Variants in CHL1 observed in about 807,000 individuals in gnomAD.
CHL1 encodes the protein cell adhesion molecule L1 like.
CHL1 carries 96 observed loss-of-function variants against 141.9 expected under a neutral mutation model. The ratio of observed to expected loss-of-function variants is 0.68; its 90% confidence interval spans 0.57 to 0.80. The LOEUF (loss-of-function observed/expected upper bound fraction) is 0.80, where lower values mean the gene tolerates loss of function less well. Among genes scored for constraint, CHL1 ranks in the 30% least tolerant of loss-of-function variants. The probability of loss-of-function intolerance (pLI) is 0.00; values close to 1 mark genes in which losing one functional copy is unlikely to be tolerated. For missense variants in CHL1, 1,820 were observed against 1,457.2 expected (o/e 1.25, Z -4.05); for synonymous variants, 613 against 502.2 (o/e 1.22, Z -2.95).
rs932571883 is a variant in CHL1 at position 285,538 on chromosome 3, A to T, written c.-94-34145A>T. Among the ~76,000 whole-genome samples, 7 of 152,320 alleles carry T rather than the reference A, an allele frequency of 4.6e-5. No individual in the cohort carries two copies. The East Asian group carries it at 1.3e-3, about 29-fold the overall frequency. ...TTCTAGCCTGGTACTTAAAATTCAC[A>T]GGCTCACAAGTCTCACTGGGCTCCA... On this transcript the variant is annotated intron_variant, in intron 2 of 27. Coordinates refer to ENST00000256509, the MANE Select transcript of CHL1 (RefSeq NM_006614.4).
chr3:269,870 T>C (rs758656126), intron 2 of CHL1, among the ~76,000 whole-genome samples: 9 of 152,146 alleles, frequency 5.9e-5, no homozygotes, highest in Non-Finnish European at 1.3e-4. Context: ...CTGTTGCTGG[T>C]ACCTCATCTA....
intron 4 of CHL1, 123 bp downstream of exon 4, chr3:326,187 C>T (rs1016554427): frequency 1.9e-6 from 1 of 534,994 alleles, no homozygotes. Context: ...TAAGGGTTTA[C>T]AAAAAATCAT....
chr3:232,205 T>A (rs962427643), intron 1 of CHL1, among the ~76,000 whole-genome samples: 3 of 152,222 alleles, frequency 2.0e-5, no homozygotes, highest in African/African-American at 7.2e-5. Context: ...ATTCTGTGTA[T>A]TGGCATGTCA....
chr3:269,565 G>T (rs3956143), intron 2 of CHL1, among the ~76,000 whole-genome samples: 37,431 of 151,912 alleles, frequency 0.25, 4,751 homozygotes, highest in Middle Eastern at 0.3. Context: ...TGCTCTTGTG[G>T]CCCAGGCTGG....
At chr3:261,456 T>C (rs980897125) in intron 2 of CHL1, among the ~76,000 whole-genome samples, 1 of 152,312 alleles carries the variant, frequency 6.6e-6, no homozygotes, top group African/African-American at 2.4e-5. Flanking sequence ...TAAGGCCAGT[T>C]GCTACTTAAA....
In CHL1 at chr3:377,136, G is replaced by A. The variant is rs1450771449; in HGVS notation, c.1752-682G>A. ...ATAGTTATCTCAACAATGGTACGGG[G>A]TAAAAGGTGAAGTTTATAAAGAAGC... On this transcript the variant is annotated intron_variant, in intron 15 of 27. Coordinates refer to ENST00000256509, the MANE Select transcript of CHL1 (RefSeq NM_006614.4). 2.6e-5 allele frequency among the ~76,000 whole-genome samples: 4 copies of A among 152,226 alleles called. No homozygotes were observed. The East Asian group carries it at 5.8e-4, about 22-fold the overall frequency.
At chr3:360,784 T>C (rs551754714) in intron 12 of CHL1, among the ~76,000 whole-genome samples, 3,241 of 126,764 alleles carry the variant, frequency 0.026, 147 homozygotes, top group African/African-American at 0.095. Context: ...ATGTTCCCCT[T>C]CCTGTGTCCA....
chr3:242,563 T>C lies in CHL1; in HGVS notation c.-174-2050T>C, dbSNP rs1029374237. ...GTGAGCCGAGATTGTGCCACTGCAC[T>C]CCAGCCTGGGTAACAGAGTGGGACT... On this transcript the variant is annotated intron_variant, in intron 1 of 27. Coordinates refer to ENST00000256509, the MANE Select transcript of CHL1 (RefSeq NM_006614.4). Among the ~76,000 whole-genome samples the C allele has an allele frequency of 5.9e-5, 9 of 151,830 alleles. No individual in the cohort carries two copies. In the East Asian group the frequency reaches 9.7e-4, roughly 16 times the overall value.
chr3:253,334 T>C (rs1405224379), intron 2 of CHL1, among the ~76,000 whole-genome samples: 2 of 152,142 alleles, frequency 1.3e-5, no homozygotes, highest in Non-Finnish European at 2.9e-5. Context: ...TTAGAGTTCT[T>C]CTCTGAGGAG....
chr3:358,217 G>A (rs1028367417), intron 11 of CHL1, among the ~76,000 whole-genome samples: 22 of 152,060 alleles, frequency 1.4e-4, no homozygotes, highest in African/African-American at 2.7e-4. Flanking sequence ...GCATTCCTTC[G>A]TTTGCCTTTT....
At chr3:400,586 C>CTT (rs11374109) in intron 26 of CHL1, among the ~76,000 whole-genome samples, 5,864 of 139,444 alleles carry the variant, frequency 0.042, 336 homozygotes, top group African/African-American at 0.12. Flanking sequence ...TATTTGAGGG[C>CTT]TTTTTTTTTT....
chr3:383,183 A>G (rs1008421609), intron 18 of CHL1, among the ~76,000 whole-genome samples: 2 of 152,198 alleles, frequency 1.3e-5, no homozygotes, highest in Non-Finnish European at 2.9e-5. Context: ...TCTAGGACAT[A>G]ATTTCCTTTT....
intron 2 of CHL1, among the ~76,000 whole-genome samples, chr3:304,188 G>A (rs1699017036): frequency 6.6e-6 from 1 of 152,120 alleles, no homozygotes; most frequent in African/African-American, 2.4e-5. Flanking sequence ...CAGGGATATT[G>A]GCCTGAATTT....
chr3:258,844 T>A (rs1694423240), intron 2 of CHL1, among the ~76,000 whole-genome samples: 1 of 151,498 alleles, frequency 6.6e-6, no homozygotes, highest in Non-Finnish European at 1.5e-5. Context: ...GGCAATTTCA[T>A]CACATTGTTA....
intron 2 of CHL1, among the ~76,000 whole-genome samples, chr3:265,254 C>T (rs1299782534): frequency 1.3e-5 from 2 of 152,178 alleles, no homozygotes; most frequent in African/African-American, 4.8e-5. Flanking sequence ...ATTTCTGTGT[C>T]TCAACTACCT....
intron 16 of CHL1, among the ~76,000 whole-genome samples, chr3:379,483 T>C (rs1000382907): frequency 6.6e-6 from 1 of 152,072 alleles, no homozygotes; most frequent in Admixed American, 6.6e-5. Flanking sequence ...GAGCTTCAGA[T>C]AAACTGGAAT....
At chr3:300,712 A>G (rs1382234311) in intron 2 of CHL1, among the ~76,000 whole-genome samples, 1 of 152,164 alleles carries the variant, frequency 6.6e-6, no homozygotes, top group Non-Finnish European at 1.5e-5. Flanking sequence ...ACACTAGTGA[A>G]TGTATAATTT....
intron 9 of CHL1, among the ~76,000 whole-genome samples, chr3:349,114 G>C (rs552575924): frequency 7.0e-4 from 106 of 152,310 alleles, no homozygotes; most frequent in African/African-American, 2.5e-3. Context: ...TTGTAATAGA[G>C]GAGAGAGAAG....
intron 3 of CHL1, among the ~76,000 whole-genome samples, chr3:322,888 C>T (rs1575066126): frequency 1.3e-5 from 2 of 150,972 alleles, no homozygotes; most frequent in African/African-American, 2.4e-5. Context: ...AAAAAACTCT[C>T]AAAACAAAGC....
Sources: gnomAD v4.1 joint callset for allele counts (sites outside exome capture counted in the v4.1 genomes callset) on GRCh38, gnomAD v4.1.1 for gene constraint, MANE v1.5 for transcripts, NCBI Gene and HGNC (gene_info 2026-07-23, HGNC 2026-07-21) for gene names.